PNPLA7: variants seen among roughly 807,000 people sequenced by gnomAD.
The protein encoded by PNPLA7 is patatin-like phospholipase domain-containing protein 7.
Under a neutral mutation model 161.7 loss-of-function variants are expected in PNPLA7, and 153 were observed. That is an observed-to-expected ratio of 0.95 (90% CI 0.83 to 1.08). The LOEUF is 1.08. PNPLA7 is among the 50% of genes least tolerant of loss of function. PNPLA7 has a pLI of 0.00. For missense variants in PNPLA7, 1,739 were observed against 1,856.6 expected, an observed-to-expected ratio of 0.94 and a Z score of 1.16; for synonymous variants, 809 against 782.1, an observed-to-expected ratio of 1.03 and a Z score of -0.57.
chr9:137,462,459 C>A, intron 30 of PNPLA7, 128 bp from the exon 31 acceptor site: 1 of 1,454,740 alleles, frequency 6.9e-7, no homozygotes, highest in Non-Finnish European at 9.1e-7. Flanking sequence ...GAGAGGGTAG[C>A]AGCACCCGGC....
chr9:137,469,948 C>G (rs1831637303), intron 25 of PNPLA7, among the ~76,000 whole-genome samples: 1 of 152,180 alleles, frequency 6.6e-6, no homozygotes, highest in Non-Finnish European at 1.5e-5. Context: ...AAAAACCTAA[C>G]TCACCAAAAT....
chr9:137,506,150 G>C, intron 12 of PNPLA7, 67 bp from the exon 13 acceptor site: 3 of 1,340,156 alleles, frequency 2.2e-6, no homozygotes, highest in Non-Finnish European at 3.1e-6. Flanking sequence ...CGCGGTGTGG[G>C]CTGAGCACAC....
rs1831278908 is a variant in PNPLA7 at position 137,462,764 on chromosome 9, T to C, written c.3413A>G (p.Asp1138Gly). 1.2e-6 allele frequency: 2 copies of C among 1,613,460 alleles called. No homozygotes were observed. Among genetic ancestry groups the C allele is most frequent in the Non-Finnish European group, 1.7e-6 (2 of 1,179,834 alleles). Residue 1138 changes from aspartate (D) to glycine (G), a missense_variant, in exon 30 of 35, where the codon GAC becomes GGC. Transcript: ENST00000406427. The stretch of plus-strand genomic sequence containing the variant: ...CAGCGCATCCCCATAGTTGGTGAGG[T>C]CCGTCTCATCTCGGCTGCCCACGTC... ...AIDVGSRDET[D>G]LTNYGDALSG...
chr9:137,500,637 C>G lies in PNPLA7; in HGVS notation c.1757+54G>C. 4 of 1,567,780 alleles carry G rather than the reference C, an allele frequency of 2.6e-6. No homozygotes were observed. The South Asian group carries it at 4.5e-5, about 18-fold the overall frequency. ...AGAGGCCGGCCACGCGGGGAGGGGT[C>G]TCAGGGCAGGGGGGGCTGGGGCCCG... On this transcript the variant is annotated intron_variant, in intron 16 of 34. Coordinates refer to ENST00000406427, the MANE Select transcript of PNPLA7 (RefSeq NM_001098537.3). This position sits in a 1 kb window ranked among gnomAD's most constrained non-coding sequence, Gnocchi z 5.5.
At chr9:137,503,814 A>AGAAAGAAGAAGAAGAAG (rs1833689329) in intron 14 of PNPLA7, among the ~76,000 whole-genome samples, 1 of 2,340 alleles carries the variant, frequency 4.3e-4, no homozygotes, top group Non-Finnish European at 8.7e-4. Flanking sequence ...AGAAGGAAGA[A>AGAAAGAAGAAGAAGAAG]GATGAAGGAA....
intron 15 of PNPLA7, 40 bp downstream of exon 15, chr9:137,501,610 A>G (rs759683936): frequency 6.3e-7 from 1 of 1,588,380 alleles, no homozygotes; most frequent in South Asian, 1.1e-5. Context: ...GGGCTATGGC[A>G]TTGGGTGGTC....
intron 33 of PNPLA7, 196 bp from the exon 34 acceptor site, chr9:137,460,933 C>CAG (rs1451820620): frequency 1.7e-6 from 1 of 576,950 alleles, no homozygotes; most frequent in African/African-American, 1.9e-5. Context: ...AGCTTTGCCC[C>CAG]AGCACATCAC....
rs1397855101 is a variant in PNPLA7 at position 137,460,593 on chromosome 9, TCAGCTGTGGGCACCAGGTGGGACCATGCC to T, written c.3945+12_3945+40del. On this transcript the variant is annotated intron_variant, in intron 34 of 34. Transcript: ENST00000406427. ...CCGGCACAGGGCCAGGCACCAAGGC[TCAGCTGTGGGCACCAGGTGGGACCATGCC>T]CAGCTCCTCACCAAGTCTGAGCCCT... The T allele has an allele frequency of 1.9e-6, 3 of 1,601,086 alleles. No homozygotes were observed. The highest frequency in any genetic ancestry group is 1.7e-5 in the Admixed American group (1 of 59,716).
intron 25 of PNPLA7, among the ~76,000 whole-genome samples, chr9:137,472,583 G>A (rs1460323079): frequency 5.3e-5 from 8 of 150,118 alleles, no homozygotes; most frequent in South Asian, 2.1e-4. Context: ...CCTGGGAGGC[G>A]GAGGTTGCAG....
chr9:137,539,378 C>A (rs925694435), intron 8 of PNPLA7, among the ~76,000 whole-genome samples: 1 of 151,890 alleles, frequency 6.6e-6, no homozygotes, highest in African/African-American at 2.4e-5. Context: ...AACAAAAAAA[C>A]TTCTAGTTAA....
At chr9:137,515,355 T>C (rs1352008438) in intron 12 of PNPLA7, 24 bp downstream of exon 12, 2 of 1,593,022 alleles carry the variant, frequency 1.3e-6, no homozygotes, top group South Asian at 1.1e-5. Context: ...TCACACTGGC[T>C]GGGCAGCCGT....
rs61738898 is a variant in PNPLA7, at chr9:137,495,117, C to T, written c.2043G>A (p.Ala681=). The change falls in exon 19 of 35, where the codon GCG becomes GCA. Residue 681 remains alanine, a synonymous_variant. Transcript: ENST00000406427. ...VVETLTHQAR[A]TTVHAVRDSE... The stretch of plus-strand genomic sequence containing the variant: ...AGTCCCGAACGGCATGCACCGTGGT[C>T]GCCCGGGCCTGGTGGGTCAGTGTCT... 3.5e-4 allele frequency: 568 copies of T among 1,606,214 alleles called. 1 individual carries two copies. In the African/African-American group the frequency reaches 5.8e-3, roughly 16 times the overall value.
intron 24 of PNPLA7, chr9:137,478,491 G>A (rs535520141): frequency 2.2e-5 from 5 of 229,512 alleles, no homozygotes; most frequent in African/African-American, 1.1e-4. Context: ...TGCAGCAGAT[G>A]GTGCCTTCAG....
chr9:137,542,917 G>C (rs1375379567), intron 6 of PNPLA7, 116 bp from the exon 7 acceptor site: 2 of 1,108,016 alleles, frequency 1.8e-6, no homozygotes, highest in Admixed American at 4.7e-5. Context: ...TGTGCTGTGG[G>C]TCCACACGGC....
intron 8 of PNPLA7, among the ~76,000 whole-genome samples, chr9:137,531,967 A>C (rs1002764900): frequency 6.6e-6 from 1 of 152,102 alleles, no homozygotes; most frequent in Non-Finnish European, 1.5e-5. Flanking sequence ...GGGTCCTGCT[A>C]TGTTGTCTGG....
chr9:137,463,066 C>T, intron 29 of PNPLA7: 2 of 646,036 alleles, frequency 3.1e-6, no homozygotes, highest in South Asian at 4.0e-5. Flanking sequence ...GTGGCCTGGC[C>T]TGGCCCCCAG....
At chr9:137,536,349 G>A (rs1404297047) in intron 8 of PNPLA7, among the ~76,000 whole-genome samples, 1 of 152,028 alleles carries the variant, frequency 6.6e-6, no homozygotes, top group African/African-American at 2.4e-5. Flanking sequence ...GGAAGGAAGG[G>A]TGGGTGGTCC....
Position 137,461,956 on chromosome 9 carries a change from C to T in PNPLA7, c.3731G>A (p.Gly1244Glu), listed in dbSNP as rs747279369. 2 of 1,591,154 alleles carry T rather than the reference C, an allele frequency of 1.3e-6. No homozygotes were observed. The highest frequency in any genetic ancestry group is 2.3e-5 in the East Asian group (1 of 43,430). The change falls in exon 32 of 35, where the codon GGG (glycine) becomes GAG (glutamate). Residue 1244 changes from glycine to glutamate, a missense_variant. By Grantham distance (98) the Gly-to-Glu change is moderately conservative. Around this residue, in one of 6 missense-constraint regions of PNPLA7, gnomAD observed 703 missense variants for 694.6 expected, o/e 1.01. Transcript: ENST00000406427. ...CGCACTCGCGGGCTTCTTGCTCGGC[C>T]CCTGCTGGTCGCGGAGCATCTTCTC... ...VLEKMLRDQQ[G>E]PSKKPASAVL...
chr9:137,496,289 T>C (rs1833054831), intron 18 of PNPLA7, among the ~76,000 whole-genome samples: 1 of 151,834 alleles, frequency 6.6e-6, no homozygotes, highest in Non-Finnish European at 1.5e-5. Flanking sequence ...GTATTTTTAG[T>C]AGAGACGGGG....
Sources: allele counts gnomAD v4.1 joint callset (sites outside exome capture counted in the v4.1 genomes callset), GRCh38; gene constraint gnomAD v4.1.1; regional missense constraint gnomAD v4.1.1; non-coding constraint Gnocchi (gnomAD v3.1); transcripts MANE v1.5; gene names NCBI Gene and HGNC (gene_info 2026-07-23, HGNC 2026-07-21).